Variants in IL9 observed in about 807,000 individuals in gnomAD.
IL9 encodes interleukin-9.
A neutral mutation model predicts 12.9 loss-of-function variants in IL9; 16 were observed. The observed-to-expected ratio is 1.24, with a 90% CI of 0.84 to 1.88. The LOEUF is 1.88. Among genes scored for constraint, IL9 ranks in the 40% most tolerant of loss-of-function variants. The pLI is 0.00. For missense variants in IL9, 170 were observed against 173.1 expected (o/e 0.98, Z 0.10); for synonymous variants, 69 against 63.8 (o/e 1.08, Z -0.39).
chr5:135,892,362 TAATA>T lies in IL9; in HGVS notation c.*25_*28del, dbSNP rs775913762. ...ACTTAAAGAGAAAGCTTTTTAAATT[TAATA>T]AATAGGATAAATAATATTTCATCTT... On this transcript the variant is annotated 3_prime_UTR_variant, in exon 5 of 5. Coordinates refer to ENST00000274520, the MANE Select transcript of IL9 (RefSeq NM_000590.2). 22 of 1,515,262 alleles carry T rather than the reference TAATA, an allele frequency of 1.5e-5. No homozygotes were observed. Among genetic ancestry groups the T allele is most frequent in the Non-Finnish European group, 1.8e-5 (20 of 1,118,184 alleles). The allele number at this position is 1,515,262 out of a possible 1,614,324, so 93.9% of individuals were successfully genotyped here.
chr5:135,892,733 TACACAC>T (rs59978451), intron 4 of IL9, among the ~76,000 whole-genome samples: 5,965 of 137,796 alleles, frequency 0.043, 290 homozygotes, highest in African/African-American at 0.13. Context: ...CAGGGGTCTT[TACACAC>T]ACACACACAC....
At chr5:135,893,894 A>G (rs1169762605) in intron 4 of IL9, 126 bp downstream of exon 4, 2 of 682,482 alleles carry the variant, frequency 2.9e-6, no homozygotes, top group East Asian at 5.8e-5. Flanking sequence ...AAATTCTTAG[A>G]TGTCTTTTAT....
Position 135,895,709 on chromosome 5 carries a change from C to T in IL9, c.108G>A (p.Lys36=), listed in dbSNP as rs1377961293. ...GGCTCCCCCTGCAGCCTACCTGCAT[C>T]TTGTTGATGAGGAAGTTGATGTCCA... ...GILDINFLIN[K]MQEDPASKCH... is the part of the protein sequence containing the mutation. Residue 36 remains lysine, a synonymous_variant, in exon 1 of 5, where the codon AAG becomes AAA. Transcript: ENST00000274520. 1.2e-6 allele frequency: 2 copies of T among 1,613,254 alleles called. No individual in the cohort carries two copies. The highest frequency in any genetic ancestry group is 8.5e-7 in the Non-Finnish European group (1 of 1,179,194).
chr5:135,895,440 A>C lies in IL9; in HGVS notation c.183T>G (p.Ser61=). 6.2e-7 allele frequency: 1 copy of C among 1,613,044 alleles called. No homozygotes were observed. The highest frequency in any genetic ancestry group is 1.1e-5 in the South Asian group (1 of 90,808). ...VTSCLCLGIP[S]DNCTRPCFSE... is the part of the protein sequence containing the mutation. ...CATTATGTTATTTCACTATACTTAC[A>C]GAGGGAATGCCCAAACAGAGACAAC... is the stretch of plus-strand genomic sequence containing the variant. The change falls in exon 3 of 5, where the codon TCT becomes TCG. Residue 61 remains serine, a splice_region_variant and synonymous_variant. Transcript: ENST00000274520.
chr5:135,894,192 G>A (rs1223497311), intron 3 of IL9, 41 bp from the exon 4 acceptor site: 6 of 1,582,846 alleles, frequency 3.8e-6, no homozygotes, highest in Non-Finnish European at 5.2e-6. Context: ...ATATTCTGAG[G>A]ACAGCTTTGG....
At chr5:135,895,670 C>T (rs1453888568) in intron 1 of IL9, 33 bp downstream of exon 1, 2 of 1,604,284 alleles carry the variant, frequency 1.2e-6, no homozygotes, top group Admixed American at 3.3e-5. Context: ...TTGTCAGTAG[C>T]TGTCTTTCCC....
intron 3 of IL9, 59 bp from the exon 4 acceptor site, chr5:135,894,210 T>A (rs1483806811): frequency 1.3e-6 from 2 of 1,497,428 alleles, no homozygotes; most frequent in East Asian, 2.3e-5. Flanking sequence ...TGGAAATATA[T>A]CACAAAGAGC....
rs1186985932 is a variant in IL9, at chr5:135,895,826, G to C, written c.-10C>G. ...CCATGGCCAGAAGCATCTTGACAGC[G>C]GACTGGAGCTCGCTTGCAGACACCT... On this transcript the variant is annotated 5_prime_UTR_variant, in exon 1 of 5. Coordinates refer to ENST00000274520, the MANE Select transcript of IL9 (RefSeq NM_000590.2). The C allele has an allele frequency of 4.4e-6, 7 of 1,584,276 alleles. No individual in the cohort carries two copies. The highest frequency in any genetic ancestry group is 6.1e-6 in the Non-Finnish European group (7 of 1,154,618).
chr5:135,892,615 G>A, intron 4 of IL9, 105 bp from the exon 5 acceptor site: 1 of 1,321,752 alleles, frequency 7.6e-7, no homozygotes, highest in Non-Finnish European at 1.0e-6. Flanking sequence ...TGAGGATTGT[G>A]GGGATGGGAA....
chr5:135,892,648 G>C (rs574435595), intron 4 of IL9, 138 bp from the exon 5 acceptor site: 1 of 879,578 alleles, frequency 1.1e-6, no homozygotes, highest in African/African-American at 1.7e-5. Context: ...GAGACACAGA[G>C]CAAATAGGTG....
chr5:135,895,788 G>T lies in IL9; in HGVS notation c.29C>A (p.Ala10Asp). 1.2e-6 allele frequency: 2 copies of T among 1,613,906 alleles called. No individual in the cohort carries two copies. Among genetic ancestry groups the T allele is most frequent in the Non-Finnish European group, 1.7e-6 (2 of 1,179,902 alleles). Reference protein sequence around the residue: MLLAMVLTSALLLCSVAGQG... With the variant: MLLAMVLTSDLLLCSVAGQG... ...GCCTGCCACGGAGCACAGGAGCAGG[G>T]CAGAGGTAAGGACCATGGCCAGAAG... is the stretch of plus-strand genomic sequence containing the variant. Residue 10 changes from alanine to aspartate, a missense_variant, in exon 1 of 5, where the codon GCC (alanine) becomes GAC (aspartate). Ala to Asp is a moderately radical substitution (Grantham distance 126). Coordinates refer to ENST00000274520, the MANE Select transcript of IL9 (RefSeq NM_000590.2).
At chr5:135,894,195 A>C (rs777215520) in intron 3 of IL9, 44 bp from the exon 4 acceptor site, 2 of 1,575,836 alleles carry the variant, frequency 1.3e-6, no homozygotes. Flanking sequence ...TTCTGAGGAC[A>C]GCTTTGGAAA....
In IL9 at chr5:135,895,690, C is replaced by T. The variant is rs1762930663; in HGVS notation, c.114+13G>A. On this transcript the variant is annotated intron_variant, in intron 1 of 4. Coordinates refer to ENST00000274520, the MANE Select transcript of IL9 (RefSeq NM_000590.2). ...AGTAGCTGTCTTTCCCATGGGCTCC[C>T]CCTGCAGCCTACCTGCATCTTGTTG... The T allele has an allele frequency of 6.2e-7, 1 of 1,609,258 alleles. No homozygotes were observed. The highest frequency in any genetic ancestry group is 1.3e-5 in the African/African-American group (1 of 74,804).
Position 135,892,314 on chromosome 5 carries a change from T to C in IL9, c.*77A>G. ...CAACTGATACTGATTTAGAGTAGCTTACTTGATTTTTAAATTGTAGCAACT... is the reference window on the plus strand; with the variant it reads ...CAACTGATACTGATTTAGAGTAGCTCACTTGATTTTTAAATTGTAGCAACT... On this transcript the variant is annotated 3_prime_UTR_variant, in exon 5 of 5. Transcript: ENST00000274520. 9.1e-7 allele frequency: 1 copy of C among 1,097,666 alleles called. No individual in the cohort carries two copies. The highest frequency in any genetic ancestry group is 1.3e-6 in the Non-Finnish European group (1 of 769,884). The allele number at this position is 1,097,666 out of a possible 1,614,324, so 68.0% of individuals were successfully genotyped here. A position where few individuals can be genotyped will look rare whatever the true frequency, so the allele number is the denominator to read the frequency against.
intron 3 of IL9, 95 bp downstream of exon 3, chr5:135,895,345 G>T: frequency 1.0e-6 from 1 of 978,986 alleles, no homozygotes; most frequent in Non-Finnish European, 1.5e-6. Flanking sequence ...AAGCAACAAT[G>T]TATAACATTA....
intron 4 of IL9, 89 bp from the exon 5 acceptor site, chr5:135,892,599 C>A: frequency 7.0e-7 from 1 of 1,433,906 alleles, no homozygotes; most frequent in Non-Finnish European, 9.4e-7. Flanking sequence ...GAGCCAGAGT[C>A]GGTGGTGAGG....
intron 4 of IL9, among the ~76,000 whole-genome samples, chr5:135,893,808 G>A (rs1055278972): frequency 5.3e-5 from 8 of 152,262 alleles, no homozygotes; most frequent in African/African-American, 9.6e-5. Flanking sequence ...AAATGGCCTC[G>A]TCAGGAACAA....
chr5:135,894,583 G>A (rs944861295), intron 3 of IL9, among the ~76,000 whole-genome samples: 1 of 152,204 alleles, frequency 6.6e-6, no homozygotes, highest in African/African-American at 2.4e-5. Flanking sequence ...AGGGACAGGG[G>A]CTGTGCTGTC....
chr5:135,894,984 G>C (rs560050756), intron 3 of IL9, among the ~76,000 whole-genome samples: 99 of 152,242 alleles, frequency 6.5e-4, no homozygotes, highest in African/African-American at 2.3e-3. Flanking sequence ...GAGGTATAGC[G>C]CATAGATCAT....
Sources: allele counts gnomAD v4.1 joint callset (sites outside exome capture counted in the v4.1 genomes callset), GRCh38; gene constraint gnomAD v4.1.1; transcripts MANE v1.5; gene names NCBI Gene and HGNC (gene_info 2026-07-23, HGNC 2026-07-21).